Variants in POLRMT observed in about 807,000 individuals in gnomAD.
POLRMT encodes the protein DNA-directed RNA polymerase, mitochondrial.
In POLRMT, 114 loss-of-function variants were observed where a neutral mutation model predicts 132.2. That is an observed-to-expected ratio of 0.86 (90% CI 0.74 to 1.01). POLRMT has a LOEUF of 1.01. POLRMT is among the 50% of genes least tolerant of loss of function. POLRMT has a pLI of 0.00. For missense variants in POLRMT, 2,003 were observed against 1,729.1 expected (o/e 1.16, Z -2.81); for synonymous variants, 1,020 against 773.4 (o/e 1.32, Z -5.29).
intron 1 of POLRMT, 156 bp from the exon 2 acceptor site, chr19:633,094 G>A: frequency 1.5e-6 from 1 of 646,638 alleles, no homozygotes; most frequent in South Asian, 2.4e-5. Context: ...AGACAGCGAA[G>A]GTGGAAGGGC....
rs186853886 is a variant in POLRMT, at chr19:617,562, C to T, written c.3581+8G>A. The T allele has an allele frequency of 5.2e-4, 833 of 1,611,152 alleles. 4 individuals are homozygous for T. The African/African-American group carries it at 5.3e-3, about 10-fold the overall frequency. Reference sequence around the variant, plus strand: ...AATCCAGGTAGTTGGGGTCAGGGAGCGCCTTACTCAGAGCAGAACCGCTTG... The same window carrying T: ...AATCCAGGTAGTTGGGGTCAGGGAGTGCCTTACTCAGAGCAGAACCGCTTG... On this transcript the variant is annotated splice_region_variant and intron_variant, in intron 19 of 20. Coordinates refer to ENST00000588649, the MANE Select transcript of POLRMT (RefSeq NM_005035.4).
At chr19:617,389 C>T in intron 20 of POLRMT, 30 bp downstream of exon 20, 1 of 1,612,298 alleles carries the variant, frequency 6.2e-7, no homozygotes. Context: ...GCAGTTCGAG[C>T]CACCCTTGCG....
chr19:626,256 A>T (rs1985009520), intron 3 of POLRMT, among the ~76,000 whole-genome samples: 1 of 149,722 alleles, frequency 6.7e-6, no homozygotes, highest in Admixed American at 6.7e-5. Context: ...GGTTCAACCG[A>T]TTCTCCTGCC....
intron 17 of POLRMT, chr19:618,284 G>T: frequency 3.5e-6 from 2 of 574,494 alleles, no homozygotes; most frequent in East Asian, 5.7e-5. Context: ...GGCTCTCCCT[G>T]TCGGGCCACA....
intron 6 of POLRMT, 26 bp from the exon 7 acceptor site, chr19:623,011 A>G (rs1984751185): frequency 6.2e-7 from 1 of 1,606,820 alleles, no homozygotes; most frequent in Non-Finnish European, 8.5e-7. Flanking sequence ...GGGCCCGGTG[A>G]GCCCCGTGGC....
At position 622,148 on chromosome 19, in the gene POLRMT, C is replaced by T. The variant is rs749469858; in HGVS notation, c.1851+1G>A. 8 of 1,548,294 alleles carry T rather than the reference C, an allele frequency of 5.2e-6. No individual in the cohort carries two copies. The highest frequency in any genetic ancestry group is 1.2e-5 in the South Asian group (1 of 85,218). ...CAGCTCAGGAGGGCACTGCCTGGCA[C>T]CTGCTGGACGTTGCGGAAGGAATAC... On this transcript the variant is annotated splice_donor_variant, in intron 9 of 20. Coordinates refer to ENST00000588649, the MANE Select transcript of POLRMT (RefSeq NM_005035.4). LOFTEE classifies it high-confidence loss of function.
At chr19:625,312 C>G in intron 3 of POLRMT, 58 bp from the exon 4 acceptor site, 2 of 1,602,466 alleles carry the variant, frequency 1.2e-6, no homozygotes, top group South Asian at 2.2e-5. Flanking sequence ...CACATCCTCC[C>G]TGCTCCCTGG....
rs41549114 is a variant in POLRMT at position 620,504 on chromosome 19, T to C, written c.2641-17A>G. 0.081 allele frequency: 126,427 copies of C among 1,551,978 alleles called. 5,603 individuals carry two copies. The highest frequency in any genetic ancestry group is 0.093 in the Middle Eastern group (540 of 5,804). ...CTTTCGGCCCTGCGGGGACAGCGGA[T>C]GGGGGGCAGTGAGGCCCGGGCCCGA... is the stretch of plus-strand genomic sequence containing the variant. On this transcript the variant is annotated splice_polypyrimidine_tract_variant and intron_variant, in intron 10 of 20. Transcript: ENST00000588649.
rs1984734534 is a variant in POLRMT, at chr19:622,859, G to A, written c.1417C>T (p.Leu473=). 1.9e-6 allele frequency: 3 copies of A among 1,607,320 alleles called. No individual in the cohort carries two copies. The highest frequency in any genetic ancestry group is 1.3e-5 in the African/African-American group (1 of 74,790). ...CGCACCACCTCGCGCTCGTCCAGCA[G>A]GCACAGGAAGGGGTAAAGTGAGAAC... ...GRFSLYPFLC[L]LDEREVVRML... The change falls in exon 7 of 21, where the codon CTG becomes TTG. Residue 473 remains leucine (L), a synonymous_variant. Transcript: ENST00000588649.
rs1345262168 is a variant in POLRMT at position 623,490 on chromosome 19, C to T, written c.1254G>A (p.Glu418=). 1 of 1,612,910 alleles carries T rather than the reference C, an allele frequency of 6.2e-7. No homozygotes were observed. The highest frequency in any genetic ancestry group is 1.1e-5 in the South Asian group (1 of 91,038). Residue 418 remains glutamate, a synonymous_variant, in exon 6 of 21, where the codon GAG becomes GAA. Coordinates refer to ENST00000588649, the MANE Select transcript of POLRMT (RefSeq NM_005035.4). ...CCTCCTTGCTTGGCAACGTGGGCTTCTCCACGGACACCACGCACACCCTGC... is the reference window on the plus strand; with the variant it reads ...CCTCCTTGCTTGGCAACGTGGGCTTTTCCACGGACACCACGCACACCCTGC... ...LASRVCVVSV[E]KPTLPSKEVK...
At chr19:620,132 T>G (rs1354532483) in intron 11 of POLRMT, 52 bp from the exon 12 acceptor site, 1 of 1,529,360 alleles carries the variant, frequency 6.5e-7, no homozygotes, top group Non-Finnish European at 8.8e-7. Flanking sequence ...CAGAGACGTG[T>G]GGGACCCCAA....
At chr19:632,442 C>G (rs1985486462) in intron 2 of POLRMT, among the ~76,000 whole-genome samples, 1 of 151,928 alleles carries the variant, frequency 6.6e-6, no homozygotes. Context: ...ATCCAGTCTC[C>G]ATTAGGCGCC....
At chr19:631,214 G>A (rs919824899) in intron 2 of POLRMT, among the ~76,000 whole-genome samples, 1 of 151,874 alleles carries the variant, frequency 6.6e-6, no homozygotes, top group African/African-American at 2.4e-5. Flanking sequence ...TGTGGTCCCA[G>A]CTACTCCGGT....
In POLRMT at chr19:622,164, G is replaced by T. The variant is rs1268483227; in HGVS notation, c.1836C>A (p.Phe612Leu). 1 of 1,561,992 alleles carries T rather than the reference G, an allele frequency of 6.4e-7. No homozygotes were observed. The highest frequency in any genetic ancestry group is 2.4e-5 in the East Asian group (1 of 41,908). Residue 612 changes from phenylalanine to leucine, a missense_variant, in exon 9 of 21, where the codon TTC becomes TTA. Transcript: ENST00000588649. ...LVPVLYHVYS[F>L]RNVQQIGILK... ...TGCCTGGCACCTGCTGGACGTTGCG[G>T]AAGGAATACACGTGGTAGAGCACGG...
Position 617,312 on chromosome 19 carries a change from G to T in POLRMT, c.3655C>A (p.Leu1219Met), listed in dbSNP as rs1002706222. 3 of 1,612,948 alleles carry T rather than the reference G, an allele frequency of 1.9e-6. No homozygotes were observed. The South Asian group carries it at 3.3e-5, about 18-fold the overall frequency. Residue 1219 changes from leucine (L) to methionine (M), a missense_variant, in exon 21 of 21, where the codon CTG becomes ATG. By Grantham distance (15) the Leu-to-Met change is conservative. Coordinates refer to ENST00000588649, the MANE Select transcript of POLRMT (RefSeq NM_005035.4). ...TAGGTGGAACGCTTCACCTGCTCCAGGTCGAAGGCCCCTGCGGAGGAAGCA... is the reference window on the plus strand; with the variant it reads ...TAGGTGGAACGCTTCACCTGCTCCATGTCGAAGGCCCCTGCGGAGGAAGCA... Reference protein sequence around the residue: ...QAVPKPGAFDLEQVKRSTYFF... With the variant: ...QAVPKPGAFDMEQVKRSTYFF...
rs541061783 is a variant in POLRMT, at chr19:618,009, C to T, written c.3423-160G>A. On this transcript the variant is annotated intron_variant, in intron 17 of 20. Transcript: ENST00000588649. ...CCTCGCCCCGCCCCTCCCCAAACATCCTGGGTTAGGTATCAGTACAGGGGG... is the reference window on the plus strand; with the variant it reads ...CCTCGCCCCGCCCCTCCCCAAACATTCTGGGTTAGGTATCAGTACAGGGGG... 2.3e-4 allele frequency: 143 copies of T among 626,594 alleles called. No homozygotes were observed. The African/African-American group carries it at 2.4e-3, about 10-fold the overall frequency. The allele number at this position is 626,594 out of a possible 1,614,324, so 38.8% of individuals were successfully genotyped here.
In POLRMT at chr19:622,996, T is replaced by C. The variant is rs576062268; in HGVS notation, c.1291-11A>G. 28 of 1,611,080 alleles carry C rather than the reference T, an allele frequency of 1.7e-5. No individual in the cohort carries two copies. In the African/African-American group the frequency reaches 3.6e-4, roughly 21 times the overall value. Reference sequence around the variant, plus strand: ...CTTCAGGGTCTTCCGCTGCGGGGGATGAACGGGCCCGGTGAGCCCCGTGGC... The same window carrying C: ...CTTCAGGGTCTTCCGCTGCGGGGGACGAACGGGCCCGGTGAGCCCCGTGGC... On this transcript the variant is annotated splice_polypyrimidine_tract_variant and intron_variant, in intron 6 of 20. Transcript: ENST00000588649.
At position 617,767 on chromosome 19, in the gene POLRMT, A is replaced by C. The variant is rs1453886550; in HGVS notation, c.3495+10T>G. ...CCATGGGTGGACTGAGGCTCAGACT[A>C]CGGGGGCACCTGGTTCATGACGGAG... On this transcript the variant is annotated intron_variant, in intron 18 of 20. Coordinates refer to ENST00000588649, the MANE Select transcript of POLRMT (RefSeq NM_005035.4). The C allele has an allele frequency of 1.2e-6, 2 of 1,613,040 alleles. No individual in the cohort carries two copies. Among genetic ancestry groups the C allele is most frequent in the Non-Finnish European group, 1.7e-6 (2 of 1,179,724 alleles).
At position 632,857 on chromosome 19, in the gene POLRMT, C is replaced by G. The variant is rs1180198176; in HGVS notation, c.170G>C (p.Trp57Ser). The G allele has an allele frequency of 6.5e-7, 1 of 1,549,650 alleles. No homozygotes were observed. The highest frequency in any genetic ancestry group is 2.2e-4 in the Middle Eastern group (1 of 4,512). Residue 57 changes from tryptophan to serine, a missense_variant, in exon 2 of 21, where the codon TGG becomes TCG. Coordinates refer to ENST00000588649, the MANE Select transcript of POLRMT (RefSeq NM_005035.4). ...ACCCTCCAGCAGCTCCACGTGGCCC[C>G]AGTCCTTCCTGCGGTCTTGGTCTTG... is the stretch of plus-strand genomic sequence containing the variant. ...QEQDQDRRKD[W>S]GHVELLEVLQ...
Sources: allele counts gnomAD v4.1 joint callset (sites outside exome capture counted in the v4.1 genomes callset), GRCh38; gene constraint gnomAD v4.1.1; transcripts MANE v1.5; gene names NCBI Gene and HGNC (gene_info 2026-07-23, HGNC 2026-07-21).